MEGF6: variants seen among roughly 807,000 people sequenced by gnomAD.
MEGF6 encodes the protein multiple EGF like domains 6, also known as multiple epidermal growth factor-like domains protein 6.
A neutral mutation model predicts 207.1 loss-of-function variants in MEGF6; 184 were observed. The ratio of observed to expected loss-of-function variants is 0.89; its 90% CI spans 0.79 to 1.00. MEGF6 has a LOEUF of 1.00. Ranked by LOEUF, MEGF6 falls within the 50% of genes least tolerant of loss-of-function variation. The pLI is 0.00. For synonymous variants in MEGF6, 1,038 were observed against 910.0 expected (o/e 1.14, Z -2.53); for missense variants, 2,282 against 2,202.9 (o/e 1.04, Z -0.72).
intron 36 of MEGF6, 35 bp downstream of exon 36, chr1:3,490,877 C>G: frequency 6.4e-7 from 1 of 1,563,796 alleles, no homozygotes; most frequent in Non-Finnish European, 8.7e-7. Context: ...ACCCACCCTC[C>G]TGGCAAGCCC....
chr1:3,585,472 ATGTCCTGTGTGTGAGGACACT>A (rs1409801261), intron 3 of MEGF6, among the ~76,000 whole-genome samples: 1 of 126,212 alleles, frequency 7.9e-6, no homozygotes, highest in Non-Finnish European at 1.6e-5. Context: ...TGAGTGACAC[ATGTCCTGTGTGTGAGGACACT>A]TGTCCTGTGT....
At chr1:3,506,319 G>T (rs965409893) in intron 14 of MEGF6, 83 bp from the exon 15 acceptor site, 25 of 1,493,592 alleles carry the variant, frequency 1.7e-5, no homozygotes, top group Admixed American at 6.3e-5. Flanking sequence ...GATGCGCGGG[G>T]GCCCAGGGCC....
chr1:3,535,703 T>C (rs1199858283), intron 4 of MEGF6, among the ~76,000 whole-genome samples: 2 of 152,072 alleles, frequency 1.3e-5, no homozygotes, highest in African/African-American at 4.8e-5. Context: ...TGCCCACGGC[T>C]CCTGGGACAT....
intron 4 of MEGF6, among the ~76,000 whole-genome samples, chr1:3,555,793 G>A (rs571318285): frequency 3.9e-5 from 6 of 152,344 alleles, no homozygotes; most frequent in South Asian, 2.1e-4. Flanking sequence ...GGCCAGCGGC[G>A]GCATCCAAAG....
At chr1:3,582,350 A>G (rs930929247) in intron 3 of MEGF6, among the ~76,000 whole-genome samples, 2 of 152,184 alleles carry the variant, frequency 1.3e-5, no homozygotes, top group Non-Finnish European at 2.9e-5. Context: ...GGGGTCTGGG[A>G]GATAGCCCCG....
intron 9 of MEGF6, among the ~76,000 whole-genome samples, chr1:3,511,208 T>C (rs1641333796): frequency 6.6e-6 from 1 of 152,108 alleles, no homozygotes; most frequent in Admixed American, 6.5e-5. Context: ...GGCTAGAGGG[T>C]GGGGACTCCA....
At chr1:3,567,381 C>T (rs74048628) in intron 4 of MEGF6, among the ~76,000 whole-genome samples, 3,830 of 152,360 alleles carry the variant, frequency 0.025, 172 homozygotes, top group African/African-American at 0.088. Context: ...TACAAAGGCC[C>T]CAGTCTTGGG....
intron 23 of MEGF6, 112 bp from the exon 24 acceptor site, chr1:3,499,378 A>C: frequency 6.9e-7 from 1 of 1,441,842 alleles, no homozygotes; most frequent in Non-Finnish European, 9.2e-7. Context: ...TGCTATGGCC[A>C]ACTCTCCCCT....
At chr1:3,548,417 T>A (rs1197245171) in intron 4 of MEGF6, among the ~76,000 whole-genome samples, 1 of 152,264 alleles carries the variant, frequency 6.6e-6, no homozygotes, top group Non-Finnish European at 1.5e-5. Context: ...ACTGTTGGAA[T>A]GCAGCTGTCA....
intron 1 of MEGF6, among the ~76,000 whole-genome samples, chr1:3,610,476 T>C (rs970939706): frequency 1.0e-4 from 10 of 100,136 alleles, no homozygotes; most frequent in East Asian, 2.9e-4. Context: ...GCGACTCCCC[T>C]CCTCCTCCTC....
intron 1 of MEGF6, 27 bp downstream of exon 1, chr1:3,611,111 C>T: frequency 6.8e-7 from 1 of 1,467,198 alleles, no homozygotes; most frequent in Non-Finnish European, 8.9e-7. Context: ...GACGACCGGC[C>T]GAGCCCTCCC....
chr1:3,512,563 G>A (rs1394171204), intron 7 of MEGF6, among the ~76,000 whole-genome samples: 1 of 152,210 alleles, frequency 6.6e-6, no homozygotes, highest in African/African-American at 2.4e-5. Flanking sequence ...ATGGGGGTGG[G>A]TCTTTCCTGT....
At chr1:3,532,028 C>T (rs11799734) in intron 4 of MEGF6, among the ~76,000 whole-genome samples, 4,296 of 152,304 alleles carry the variant, frequency 0.028, 203 homozygotes, top group African/African-American at 0.098. Flanking sequence ...GGAGCCTGGG[C>T]GAGGGAAAGC....
rs1171335954 is a variant in MEGF6 at position 3,548,984 on chromosome 1, C to T, written c.482-24738G>A. On this transcript the variant is annotated intron_variant, in intron 4 of 36. Coordinates refer to ENST00000356575, the MANE Select transcript of MEGF6 (RefSeq NM_001409.4). ...TGGTCACCCTCACTGAGGCTGCAAT[C>T]GCCCCTTGTTCCCCCAAAGCCCCCA... Among the ~76,000 whole-genome samples the T allele has an allele frequency of 3.3e-5, 5 of 152,300 alleles. No individual in the cohort carries two copies. The East Asian group carries it at 5.8e-4, about 18-fold the overall frequency.
intron 4 of MEGF6, among the ~76,000 whole-genome samples, chr1:3,576,541 C>T (rs1273562578): frequency 1.3e-5 from 2 of 152,056 alleles, no homozygotes; most frequent in African/African-American, 4.8e-5. Flanking sequence ...GGTCTGCAGT[C>T]CCCAGACCCA....
chr1:3,595,554 G>A lies in MEGF6; in HGVS notation c.267-107C>T, dbSNP rs1019946136. The A allele has an allele frequency of 7.4e-5, 69 of 929,800 alleles. No homozygotes were observed. The Admixed American group carries it at 8.2e-4, about 11-fold the overall frequency. The allele number at this position is 929,800 out of a possible 1,614,324, so 57.6% of individuals were successfully genotyped here. On this transcript the variant is annotated intron_variant, in intron 2 of 36. Transcript: ENST00000356575. ...ACTCTGCGTCAGCCGGGTTCCCGGC[G>A]GCACAGGCTGCAGCACCAAGGTTCC...
At chr1:3,616,814 G>A in the MEGF6 span, among the ~76,000 whole-genome samples, 14 of 152,308 alleles carry the variant, frequency 9.2e-5, no homozygotes, top group South Asian at 1.7e-3. Flanking sequence ...CGGGAATCCC[G>A]GAGCAGATGG....
At chr1:3,616,826 C>G in the MEGF6 span, among the ~76,000 whole-genome samples, 1 of 152,204 alleles carries the variant, frequency 6.6e-6, no homozygotes, top group Non-Finnish European at 1.5e-5. Flanking sequence ...AGCAGATGGC[C>G]CGGTCAGAAC....
Position 3,505,195 on chromosome 1 carries a change from GCCGGCCA to G in MEGF6, c.2188+6_2188+12del. On this transcript the variant is annotated splice_donor_region_variant and intron_variant, in intron 17 of 36. Transcript: ENST00000356575. ...AATGAGACTGCCGGGAGCCCCAGGG[GCCGGCCA>G]CTCACCTTGGCCACAGTCCTCTCCC... 3 of 1,610,294 alleles carry G rather than the reference GCCGGCCA, an allele frequency of 1.9e-6. No homozygotes were observed. Among genetic ancestry groups the G allele is most frequent in the Non-Finnish European group, 2.5e-6 (3 of 1,179,442 alleles).
Sources: gnomAD v4.1 joint callset for allele counts (sites outside exome capture counted in the v4.1 genomes callset) on GRCh38, gnomAD v4.1.1 for gene constraint, MANE v1.5 for transcripts, NCBI Gene and HGNC (gene_info 2026-07-23, HGNC 2026-07-21) for gene names.